Variants in LDHB observed in about 807,000 individuals in gnomAD.
LDHB encodes lactate dehydrogenase B.
Under a neutral mutation model 33.4 loss-of-function variants are expected in LDHB, and 18 were observed. The observed-to-expected ratio is 0.54, with a 90% CI of 0.37 to 0.80. The LOEUF is 0.80. Ranked by LOEUF, LDHB falls within the 30% of genes least tolerant of loss-of-function variation. The pLI, the probability that LDHB is intolerant of heterozygous loss-of-function variation, is 0.00. For synonymous variants in LDHB, 121 were observed against 140.6 expected (o/e 0.86, Z 0.98); for missense variants, 345 against 407.9 (o/e 0.85, Z 1.33).
At chr12:21,652,312 G>T (rs1259495709) in intron 2 of LDHB, among the ~76,000 whole-genome samples, 2 of 152,160 alleles carry the variant, frequency 1.3e-5, no homozygotes, top group South Asian at 2.1e-4. Context: ...AGAGCCCTGG[G>T]TTCAAAATAC....
intron 5 of LDHB, 143 bp from the exon 6 acceptor site, chr12:21,638,613 A>C (rs907588671): frequency 1.5e-5 from 10 of 646,688 alleles, no homozygotes; most frequent in Admixed American, 7.5e-5. Context: ...TCTCCAGTAG[A>C]TTCCAGTATA....
intron 2 of LDHB, among the ~76,000 whole-genome samples, chr12:21,650,111 C>A (rs1272871420): frequency 1.1e-4 from 7 of 62,800 alleles, no homozygotes; most frequent in African/African-American, 3.8e-4. Context: ...AAAATACACA[C>A]ACACACACAC....
intron 2 of LDHB, among the ~76,000 whole-genome samples, chr12:21,651,513 TTTTA>T (rs1460827247): frequency 6.6e-6 from 1 of 152,170 alleles, no homozygotes; most frequent in Non-Finnish European, 1.5e-5. Flanking sequence ...AATGCTATGC[TTTTA>T]TTTAACTTCT....
chr12:21,649,307 G>C (rs1437420582), intron 2 of LDHB, among the ~76,000 whole-genome samples: 2 of 152,146 alleles, frequency 1.3e-5, no homozygotes, highest in Non-Finnish European at 2.9e-5. Context: ...GGAAGGAAGA[G>C]ATCCAACACT....
chr12:21,639,395 T>G (rs1291063814), intron 5 of LDHB, among the ~76,000 whole-genome samples: 1 of 151,980 alleles, frequency 6.6e-6, no homozygotes, highest in Non-Finnish European at 1.5e-5. Context: ...TGGCATTAAC[T>G]AACTAAAAGT....
chr12:21,639,284 T>C (rs988043112), intron 5 of LDHB, among the ~76,000 whole-genome samples: 6 of 151,844 alleles, frequency 4.0e-5, no homozygotes, highest in Non-Finnish European at 5.9e-5. Flanking sequence ...ACAATATAGA[T>C]CAACATGAAA....
chr12:21,644,797 G>C (rs113332994), intron 3 of LDHB, among the ~76,000 whole-genome samples: 273 of 152,254 alleles, frequency 1.8e-3, no homozygotes, highest in African/African-American at 6.0e-3. Flanking sequence ...AGTAATTATA[G>C]TCCCTACATT....
At chr12:21,653,707 A>C (rs1938756876) in intron 2 of LDHB, among the ~76,000 whole-genome samples, 1 of 152,184 alleles carries the variant, frequency 6.6e-6, no homozygotes, top group Non-Finnish European at 1.5e-5. Flanking sequence ...CAACATGTTA[A>C]GAATTGGTAA....
intron 2 of LDHB, among the ~76,000 whole-genome samples, chr12:21,652,307 C>T (rs2136981087): frequency 6.6e-6 from 1 of 152,020 alleles, no homozygotes; most frequent in Non-Finnish European, 1.5e-5. Flanking sequence ...AGTTCAGAGC[C>T]CTGGGTTCAA....
At chr12:21,643,502 T>A (rs1938429113) in intron 4 of LDHB, 1 of 170,082 alleles carries the variant, frequency 5.9e-6, no homozygotes, top group Admixed American at 5.7e-5. Context: ...AACAGAATTG[T>A]TTAATGGCTT....
chr12:21,654,158 T>A (rs1176417928), intron 2 of LDHB, among the ~76,000 whole-genome samples: 1 of 152,100 alleles, frequency 6.6e-6, no homozygotes, highest in Non-Finnish European at 1.5e-5. Context: ...CAAAGAAAGG[T>A]TGAGTAACAG....
At position 21,635,618 on chromosome 12, in the gene LDHB, T is replaced by A. The variant is rs1591825374; in HGVS notation, c.929A>T (p.Lys310Met). 6.2e-7 allele frequency: 1 copy of A among 1,613,330 alleles called. No homozygotes were observed. Among genetic ancestry groups the A allele is most frequent in the Non-Finnish European group, 8.5e-7 (1 of 1,179,756 alleles). Reference sequence around the variant, plus strand: ...CTTGAGCTGAGCAACCTCATCATCCTTTAGCTTCTGGTTGATAACGCTGGT... The same window carrying A: ...CTTGAGCTGAGCAACCTCATCATCCATTAGCTTCTGGTTGATAACGCTGGT... ...GLTSVINQKL[K>M]DDEVAQLKKS... Residue 310 changes from lysine to methionine, a missense_variant, in exon 8 of 8, where the codon AAG (lysine) becomes ATG (methionine). Lys to Met is a moderately conservative substitution (Grantham distance 95). Transcript: ENST00000350669.
chr12:21,654,261 A>G (rs2136983836), intron 2 of LDHB: 1 of 402,114 alleles, frequency 2.5e-6, no homozygotes, highest in Middle Eastern at 7.2e-4. Context: ...TTTTGACAAC[A>G]TGGAGAATTT....
chr12:21,654,545 T>C lies in LDHB; in HGVS notation c.127A>G (p.Lys43Glu). 6.2e-7 allele frequency: 1 copy of C among 1,614,076 alleles called. No individual in the cohort carries two copies. The highest frequency in any genetic ancestry group is 8.5e-7 in the Non-Finnish European group (1 of 1,179,944). The change falls in exon 2 of 8, where the codon AAG becomes GAG. Residue 43 changes from lysine (K) to glutamate (E), a missense_variant and splice_region_variant. Coordinates refer to ENST00000350669, the MANE Select transcript of LDHB (RefSeq NM_002300.8). ...TCTATGGTGTTCTTGAAATGTACCTTTCCCAGAATGCTGATAGCACACGCC... is the reference window on the plus strand; with the variant it reads ...TCTATGGTGTTCTTGAAATGTACCTCTCCCAGAATGCTGATAGCACACGCC... ...GMACAISILGKSLADELALVD... is the reference protein window; with the variant it reads ...GMACAISILGESLADELALVD...
intron 5 of LDHB, among the ~76,000 whole-genome samples, chr12:21,641,052 TATC>T (rs1295241697): frequency 6.6e-6 from 1 of 152,168 alleles, no homozygotes; most frequent in Admixed American, 6.5e-5. Context: ...GTTTGACAAC[TATC>T]ATGGTAATTT....
At chr12:21,636,332 C>T (rs1938215332) in intron 7 of LDHB, among the ~76,000 whole-genome samples, 1 of 149,090 alleles carries the variant, frequency 6.7e-6, no homozygotes, top group African/African-American at 2.5e-5. Context: ...GCTTGGAATA[C>T]CCAAGAATTG....
chr12:21,635,383 T>G lies in LDHB; in HGVS notation c.*159A>C. The G allele has an allele frequency of 1.5e-6, 1 of 676,848 alleles. No individual in the cohort carries two copies. Among genetic ancestry groups the G allele is most frequent in the South Asian group, 1.7e-5 (1 of 59,214 alleles). The allele number at this position is 676,848 out of a possible 1,614,324, so 41.9% of individuals were successfully genotyped here. Reference sequence around the variant, plus strand: ...ATTTTATTTGTTCAAGAGCTCAGATTGCAAGCATTAAACCAAGCATAGGCT... The same window carrying G: ...ATTTTATTTGTTCAAGAGCTCAGATGGCAAGCATTAAACCAAGCATAGGCT... On this transcript the variant is annotated 3_prime_UTR_variant, in exon 8 of 8. Coordinates refer to ENST00000350669, the MANE Select transcript of LDHB (RefSeq NM_002300.8).
chr12:21,638,662 CAT>C (rs1938283461), intron 5 of LDHB, 192 bp from the exon 6 acceptor site: 7 of 565,304 alleles, frequency 1.2e-5, no homozygotes, highest in African/African-American at 5.6e-5. Context: ...CAAATAGCAA[CAT>C]GTCTGACCTT....
chr12:21,644,439 A>C (rs11046144), intron 3 of LDHB, among the ~76,000 whole-genome samples: 3 of 4,966 alleles, frequency 6.0e-4, no homozygotes, highest in African/African-American at 8.0e-4. Flanking sequence ...AAAAAAAAAA[A>C]AAAAAACAAA....
Sources: gnomAD v4.1 joint callset for allele counts (sites outside exome capture counted in the v4.1 genomes callset) on GRCh38, gnomAD v4.1.1 for gene constraint, MANE v1.5 for transcripts, NCBI Gene and HGNC (gene_info 2026-07-23, HGNC 2026-07-21) for gene names.